Variants in SLC24A2 observed in about 807,000 individuals in gnomAD.
SLC24A2 encodes the protein solute carrier family 24 member 2.
Under a neutral mutation model 62.0 loss-of-function variants are expected in SLC24A2, and 36 were observed. The observed-to-expected ratio is 0.58, with a 90% CI of 0.44 to 0.77. The LOEUF (loss-of-function observed/expected upper bound fraction) is 0.77. Ranked by LOEUF, SLC24A2 falls within the 30% of genes least tolerant of loss-of-function variation. SLC24A2 has a pLI of 0.00. For missense variants in SLC24A2, 846 were observed against 817.9 expected (o/e 1.03, Z -0.42); for synonymous variants, 358 against 294.0 (o/e 1.22, Z -2.23).
At chr9:20,126,083 T>G in the SLC24A2 span, among the ~76,000 whole-genome samples, 10 of 152,162 alleles carry the variant, frequency 6.6e-5, no homozygotes, top group Non-Finnish European at 1.0e-4. Flanking sequence ...GGTGTTTTTT[T>G]TGTGTGTGTA....
the SLC24A2 span, among the ~76,000 whole-genome samples, chr9:20,282,532 A>G: frequency 4.4e-4 from 67 of 152,346 alleles, no homozygotes; most frequent in African/African-American, 1.6e-3. Flanking sequence ...ATCATACTCT[A>G]TCAGTGATAG....
At chr9:19,716,984 T>C (rs946923381) in intron 2 of SLC24A2, among the ~76,000 whole-genome samples, 10 of 152,184 alleles carry the variant, frequency 6.6e-5, no homozygotes, top group Non-Finnish European at 1.2e-4. Context: ...ACTGCTCCTT[T>C]CTCCCCCATC....
At chr9:20,222,374 T>A in the SLC24A2 span, among the ~76,000 whole-genome samples, 96 of 152,124 alleles carry the variant, frequency 6.3e-4, no homozygotes, top group East Asian at 0.016. Flanking sequence ...AACGTAAGTA[T>A]TTAAGCTTAC....
the SLC24A2 span, among the ~76,000 whole-genome samples, chr9:20,286,068 G>T: frequency 6.6e-6 from 1 of 152,326 alleles, no homozygotes; most frequent in Admixed American, 6.5e-5. Flanking sequence ...AGAGAAAACA[G>T]CTTTCCTGTT....
chr9:19,985,445 T>C, the SLC24A2 span, among the ~76,000 whole-genome samples: 2 of 152,160 alleles, frequency 1.3e-5, no homozygotes, highest in Admixed American at 1.3e-4. Flanking sequence ...CTTATATGAA[T>C]CTCAAAAGTA....
chr9:19,637,359 T>A (rs987344489), intron 2 of SLC24A2, among the ~76,000 whole-genome samples: 2 of 152,236 alleles, frequency 1.3e-5, no homozygotes, highest in African/African-American at 2.4e-5. Context: ...TGCCCAACTG[T>A]GTTTGTTCTA....
the SLC24A2 span, among the ~76,000 whole-genome samples, chr9:20,115,936 A>AT: frequency 1.2e-3 from 185 of 152,228 alleles, 1 homozygote; most frequent in African/African-American, 4.0e-3. Flanking sequence ...AAGGCAAGAG[A>AT]TTTTTTTATC....
At chr9:19,709,785 G>C (rs756258683) in intron 2 of SLC24A2, among the ~76,000 whole-genome samples, 10 of 150,010 alleles carry the variant, frequency 6.7e-5, no homozygotes, top group African/African-American at 2.5e-4. Context: ...AGCATTAGGA[G>C]ATATACCTAA....
chr9:20,176,062 G>A, the SLC24A2 span, among the ~76,000 whole-genome samples: 1 of 152,046 alleles, frequency 6.6e-6, no homozygotes, highest in South Asian at 2.1e-4. Flanking sequence ...CCAGTCTCAT[G>A]CTTCCATGAA....
At chr9:20,118,592 G>A in the SLC24A2 span, among the ~76,000 whole-genome samples, 1 of 151,406 alleles carries the variant, frequency 6.6e-6, no homozygotes, top group African/African-American at 2.4e-5. Flanking sequence ...CAAAACCTTA[G>A]GTATTTATAT....
intron 2 of SLC24A2, among the ~76,000 whole-genome samples, chr9:19,656,088 C>T (rs1453430414): frequency 6.6e-6 from 1 of 152,138 alleles, no homozygotes; most frequent in East Asian, 1.9e-4. Flanking sequence ...TTGTGCAAGA[C>T]CTCAGACTGT....
the SLC24A2 span, among the ~76,000 whole-genome samples, chr9:20,166,262 T>C: frequency 6.6e-6 from 1 of 151,986 alleles, no homozygotes; most frequent in African/African-American, 2.4e-5. Context: ...TCTATAAATC[T>C]ATCTTGAAAT....
chr9:19,754,674 G>T (rs557112836), intron 2 of SLC24A2, among the ~76,000 whole-genome samples: 3 of 151,026 alleles, frequency 2.0e-5, no homozygotes, highest in African/African-American at 7.3e-5. Flanking sequence ...ATAACCTGTG[G>T]TGTTTTGTAA....
At chr9:20,019,103 TAGAAAGAAAGAAAGAAAGAA>T in the SLC24A2 span, among the ~76,000 whole-genome samples, 1,460 of 84,760 alleles carry the variant, frequency 0.017, 28 homozygotes, top group African/African-American at 0.056. Flanking sequence ...GAAAGAAAGA[TAGAAAGAAAGAAAGAAAGAA>T]AGAAAGAAAG....
At chr9:19,557,225 C>G (rs1165981476) in intron 7 of SLC24A2, among the ~76,000 whole-genome samples, 2 of 152,164 alleles carry the variant, frequency 1.3e-5, no homozygotes, top group Admixed American at 1.3e-4. Flanking sequence ...TACCAGGATT[C>G]TCAGCTTTGT....
the SLC24A2 span, among the ~76,000 whole-genome samples, chr9:19,904,796 C>T: frequency 1.4e-4 from 22 of 152,220 alleles, no homozygotes; most frequent in South Asian, 4.6e-3. Context: ...TCTTTTTGCA[C>T]AGTAGGAGAT....
At chr9:19,631,758 G>A (rs940469176) in intron 2 of SLC24A2, among the ~76,000 whole-genome samples, 7 of 152,120 alleles carry the variant, frequency 4.6e-5, no homozygotes, top group South Asian at 2.1e-4. Flanking sequence ...TATGGTCAGC[G>A]GAAACCATTT....
At chr9:20,204,575 G>A in the SLC24A2 span, among the ~76,000 whole-genome samples, 16,991 of 152,044 alleles carry the variant, frequency 0.11, 2,118 homozygotes, top group East Asian at 0.6. Flanking sequence ...TGTTGCAAAA[G>A]CAATGGGAGG....
chr9:19,934,266 C>T, the SLC24A2 span, among the ~76,000 whole-genome samples: 7 of 152,190 alleles, frequency 4.6e-5, no homozygotes, highest in African/African-American at 1.7e-4. The surrounding 1 kb of genome is among the most constrained non-coding windows in gnomAD (Gnocchi z 4.1). Flanking sequence ...GGCCGGGCCT[C>T]AAAGCAGGCC....
Sources: allele counts gnomAD v4.1 joint callset (sites outside exome capture counted in the v4.1 genomes callset), GRCh38; gene constraint gnomAD v4.1.1; non-coding constraint Gnocchi (gnomAD v3.1); transcripts MANE v1.5; gene names NCBI Gene and HGNC (gene_info 2026-07-23, HGNC 2026-07-21).